Variants in WIF1 observed in about 807,000 individuals in gnomAD.
WIF1 encodes the protein Wnt inhibitory factor 1.
Under a neutral mutation model 53.5 loss-of-function variants are expected in WIF1, and 35 were observed. That is an observed-to-expected ratio of 0.65 (90% confidence interval 0.50 to 0.87). WIF1 has a LOEUF of 0.87. Ranked by LOEUF, WIF1 falls within the 40% of genes least tolerant of loss-of-function variation. The pLI is 0.00. For missense variants in WIF1, 467 were observed against 476.8 expected, an observed-to-expected ratio of 0.98 and a Z score of 0.19; for synonymous variants, 171 against 170.4, an observed-to-expected ratio of 1.00 and a Z score of -0.03.
chr12:65,079,984 A>G (rs1366322900), intron 2 of WIF1, among the ~76,000 whole-genome samples: 1 of 152,196 alleles, frequency 6.6e-6, no homozygotes, highest in African/African-American at 2.4e-5. Context: ...AATTTATTTT[A>G]CAACATGAAA....
chr12:65,090,681 G>C (rs558844653), intron 2 of WIF1, among the ~76,000 whole-genome samples: 1 of 152,264 alleles, frequency 6.6e-6, no homozygotes, highest in South Asian at 2.1e-4. Context: ...AGTTGCGTAA[G>C]CTCTGGGAGG....
At position 65,056,126 on chromosome 12, in the gene WIF1, C is replaced by T. The variant is rs747928740; in HGVS notation, c.827G>A (p.Ser276Asn). Reference sequence around the variant, plus strand: ...ATTTCGACAGGGTTGTGGGCATTTGCCTGAAAAAGAGAAGAATGCAGCTAA... The same window carrying T: ...ATTTCGACAGGGTTGTGGGCATTTGTCTGAAAAAGAGAAGAATGCAGCTAA... ...PGLEGEQCEI[S>N]KCPQPCRNGG... Residue 276 changes from serine to asparagine, a missense_variant and splice_region_variant, in exon 8 of 10, where the codon AGC (serine) becomes AAC (asparagine). Ser to Asn is a conservative substitution (Grantham distance 46). Transcript: ENST00000286574. The T allele has an allele frequency of 2.5e-6, 4 of 1,612,688 alleles. No homozygotes were observed. Among genetic ancestry groups the T allele is most frequent in the East Asian group, 2.2e-5 (1 of 44,858 alleles).
intron 2 of WIF1, among the ~76,000 whole-genome samples, chr12:65,101,188 T>G (rs1403144713): frequency 6.6e-6 from 1 of 152,210 alleles, no homozygotes; most frequent in Non-Finnish European, 1.5e-5. Context: ...AAGTCCAGTT[T>G]ATGTTCTTGG....
At chr12:65,094,852 T>C (rs1020225823) in intron 2 of WIF1, among the ~76,000 whole-genome samples, 1 of 152,034 alleles carries the variant, frequency 6.6e-6, no homozygotes, top group Non-Finnish European at 1.5e-5. Flanking sequence ...TTAGTGAGTT[T>C]TGTTACCTGT....
chr12:65,106,380 T>A (rs1565760020), intron 2 of WIF1, among the ~76,000 whole-genome samples: 1 of 114,132 alleles, frequency 8.8e-6, no homozygotes, highest in South Asian at 3.1e-4. Flanking sequence ...TATATTTTTT[T>A]TTATTTTTTT....
In WIF1 at chr12:65,066,735, G is replaced by A. The variant is rs139062146; in HGVS notation, c.636C>T (p.Ala212=). 7.5e-6 allele frequency: 12 copies of A among 1,590,004 alleles called. No homozygotes were observed. The highest frequency in any genetic ancestry group is 2.7e-5 in the African/African-American group (2 of 73,554). ...CATTCATACATCGTGGGGTACAAAG[G>A]GCTTATAGGGAGAGAGAACCCTGAT... ...DGFHGPHCEK[A]LCTPRCMNGG... Residue 212 remains alanine, a splice_region_variant and synonymous_variant, in exon 6 of 10, where the codon GCC becomes GCT. Transcript: ENST00000286574.
At chr12:65,052,893 G>C (rs1489611611) in intron 9 of WIF1, among the ~76,000 whole-genome samples, 1 of 152,190 alleles carries the variant, frequency 6.6e-6, no homozygotes, top group East Asian at 1.9e-4. Context: ...AAGTAACAGT[G>C]CCCTTGTGCT....
chr12:65,069,294 G>GCAGTTGAT (rs1882736656), intron 3 of WIF1, among the ~76,000 whole-genome samples: 1 of 152,156 alleles, frequency 6.6e-6, no homozygotes, highest in Non-Finnish European at 1.5e-5. Flanking sequence ...TAAATAAAAA[G>GCAGTTGAT]CAGTTGATTC....
intron 9 of WIF1, 40 bp downstream of exon 9, chr12:65,055,078 T>A (rs777569892): frequency 1.9e-6 from 3 of 1,601,388 alleles, no homozygotes; most frequent in East Asian, 4.5e-5. Context: ...TTTATTTTTA[T>A]TTTTTTCCTT....
Position 65,051,415 on chromosome 12 carries a change from C to G in WIF1, c.1074G>C (p.Gln358His). ...CGGCCTTTTTAAGTGAAGGCGTGTG[C>G]TGCCTGAGCTGGGCGCCTGCTGGCC... ...ALRPAGAQLR[Q>H]HTPSLKKAEE... The change falls in exon 10 of 10, where the codon CAG becomes CAC. Residue 358 changes from glutamine (Q) to histidine (H), a missense_variant. Transcript: ENST00000286574. 6.2e-7 allele frequency: 1 copy of G among 1,613,736 alleles called. No homozygotes were observed. Among genetic ancestry groups the G allele is most frequent in the Admixed American group, 1.7e-5 (1 of 59,942 alleles).
At chr12:65,066,194 G>C (rs752501672) in intron 6 of WIF1, among the ~76,000 whole-genome samples, 1 of 152,172 alleles carries the variant, frequency 6.6e-6, no homozygotes, top group African/African-American at 2.4e-5. Flanking sequence ...AACCAGGTAG[G>C]ACCATGAGGC....
chr12:65,067,568 A>C lies in WIF1; in HGVS notation c.634+127T>G, dbSNP rs1882706089. On this transcript the variant is annotated intron_variant, in intron 5 of 9. Transcript: ENST00000286574. ...CCACAGAAAGTGATGGCATTGTGCC[A>C]AAATTTTCTGCCCCTGTGACCAGGA... is the stretch of plus-strand genomic sequence containing the variant. 1.1e-5 allele frequency: 11 copies of C among 967,636 alleles called. No individual in the cohort carries two copies. In the Admixed American group the frequency reaches 1.4e-4, roughly 12 times the overall value. 59.9% of individuals were successfully genotyped at this position (967,636 alleles called of 1,614,324 possible). A position where few individuals can be genotyped will look rare whatever the true frequency, so the allele number is the denominator to read the frequency against.
At chr12:65,080,097 A>G (rs1424596301) in intron 2 of WIF1, among the ~76,000 whole-genome samples, 1 of 152,210 alleles carries the variant, frequency 6.6e-6, no homozygotes, top group Non-Finnish European at 1.5e-5. Context: ...TAATAATGCC[A>G]AGGGGTAGTC....
chr12:65,077,161 A>T (rs750360272), intron 3 of WIF1, among the ~76,000 whole-genome samples: 26 of 152,212 alleles, frequency 1.7e-4, no homozygotes, highest in Non-Finnish European at 3.1e-4. Flanking sequence ...TTGACTCGCT[A>T]CTAGTATTCA....
chr12:65,071,419 A>G (rs1882772669), intron 3 of WIF1, among the ~76,000 whole-genome samples: 1 of 152,152 alleles, frequency 6.6e-6, no homozygotes, highest in Non-Finnish European at 1.5e-5. Context: ...GTTTTAAAAT[A>G]GAAAAACTGT....
At chr12:65,101,417 C>G (rs1005911760) in intron 2 of WIF1, among the ~76,000 whole-genome samples, 1 of 152,116 alleles carries the variant, frequency 6.6e-6, no homozygotes. Flanking sequence ...CTACCAGCCT[C>G]AGAGTATAAC....
chr12:65,066,566 G>A (rs1034291979), intron 6 of WIF1, 75 bp downstream of exon 6: 6 of 1,207,336 alleles, frequency 5.0e-6, no homozygotes, highest in Non-Finnish European at 6.8e-6. Flanking sequence ...GAAGAGTGAG[G>A]ACATATAAAG....
chr12:65,107,352 C>T (rs1274752575), intron 2 of WIF1, among the ~76,000 whole-genome samples: 1 of 152,212 alleles, frequency 6.6e-6, no homozygotes, highest in Non-Finnish European at 1.5e-5. Context: ...TGTCCTGGCA[C>T]AGTGGCTCAT....
At chr12:65,081,526 G>A (rs931191043) in intron 2 of WIF1, among the ~76,000 whole-genome samples, 6 of 152,130 alleles carry the variant, frequency 3.9e-5, no homozygotes, top group African/African-American at 7.2e-5. Flanking sequence ...AGGCTTAATA[G>A]ATTTCTCTGG....
Sources: gnomAD v4.1 joint callset for allele counts (sites outside exome capture counted in the v4.1 genomes callset) on GRCh38, gnomAD v4.1.1 for gene constraint, MANE v1.5 for transcripts, NCBI Gene and HGNC (gene_info 2026-07-23, HGNC 2026-07-21) for gene names.